KRT8: variants seen among roughly 807,000 people sequenced by gnomAD.
The protein encoded by KRT8 is keratin, type II cytoskeletal 8.
Under a neutral mutation model 43.0 loss-of-function variants are expected in KRT8, and 24 were observed. The observed-to-expected ratio is 0.56, with a 90% CI of 0.40 to 0.78. The LOEUF (loss-of-function observed/expected upper bound fraction) is 0.78, where lower values mean the gene tolerates loss of function less well. Ranked by LOEUF, KRT8 falls within the 30% of genes least tolerant of loss-of-function variation. KRT8 has a pLI of 0.00. For synonymous variants in KRT8, 214 were observed against 261.2 expected, an observed-to-expected ratio of 0.82 and a Z score of 1.74; for missense variants, 492 against 638.4, an observed-to-expected ratio of 0.77 and a Z score of 2.47.
chr12:52,916,097 T>C (rs1400985876), intron 2 of KRT8, among the ~76,000 whole-genome samples: 1 of 151,954 alleles, frequency 6.6e-6, no homozygotes, highest in African/African-American at 2.4e-5. Flanking sequence ...AAAAGCTAGA[T>C]ATTGGGGAGG....
intron 2 of KRT8, among the ~76,000 whole-genome samples, chr12:52,944,361 G>A (rs1473682163): frequency 6.6e-6 from 1 of 152,172 alleles, no homozygotes; most frequent in Non-Finnish European, 1.5e-5. Flanking sequence ...CTCTCAAAGT[G>A]CTGGGATTAC....
Position 52,900,711 on chromosome 12 carries a change from G to A in KRT8, c.595-28C>T, listed in dbSNP as rs754328747. ...GGGGGATGAGGAGAGGGGAGCCTGA[G>A]CTGGGTTTCCACACCCAACCCCAAC... On this transcript the variant is annotated intron_variant, in intron 3 of 7. Coordinates refer to ENST00000692008, the Ensembl canonical transcript of KRT8. 5.8e-6 allele frequency: 9 copies of A among 1,552,306 alleles called. No homozygotes were observed. In the East Asian group the frequency reaches 1.8e-4, roughly 31 times the overall value.
chr12:52,904,874 C>T, exon 1 of KRT8: 2 of 1,612,700 alleles, frequency 1.2e-6, no homozygotes, highest in Non-Finnish European at 1.7e-6. Flanking sequence ...GGGAGAAGCT[C>T]GAGGAGCTGA....
chr12:52,902,141 C>A (rs1941388119), intron 1 of KRT8, 69 bp from the exon 2 acceptor site: 11 of 956,320 alleles, frequency 1.2e-5, no homozygotes, highest in Non-Finnish European at 1.8e-5. Flanking sequence ...GGAAAGCAAG[C>A]AGTCTTTTCT....
At chr12:52,948,786 G>T in intron 2 of KRT8, 1 of 408,492 alleles carries the variant, frequency 2.4e-6, no homozygotes, top group South Asian at 1.2e-4. Flanking sequence ...CACTGCGCCC[G>T]GTCAAGACTC....
At chr12:52,898,519 C>G (rs1479810750) in exon 7 of KRT8, 1 of 1,614,018 alleles carries the variant, frequency 6.2e-7, no homozygotes, top group African/African-American at 1.3e-5. Flanking sequence ...CAGACTCCAG[C>G]CTGTACCCAG....
At chr12:52,915,767 C>T (rs1216238632) in intron 2 of KRT8, among the ~76,000 whole-genome samples, 2 of 151,584 alleles carry the variant, frequency 1.3e-5, no homozygotes, top group African/African-American at 4.8e-5. Context: ...CAGGCAGAAA[C>T]AACAGATGTT....
upstream of KRT8, chr12:52,907,004 A>T: frequency 3.3e-6 from 1 of 305,818 alleles, no homozygotes; most frequent in South Asian, 2.7e-5. Flanking sequence ...ACACACACAC[A>T]CACACACACC....
chr12:52,912,779 G>T (rs761540774), intron 2 of KRT8, among the ~76,000 whole-genome samples: 1 of 152,236 alleles, frequency 6.6e-6, no homozygotes, highest in Non-Finnish European at 1.5e-5. Flanking sequence ...TGTGTGGCAG[G>T]CTGGGGCAAA....
At chr12:52,897,540 G>T (rs386834223) in exon 8 of KRT8, 1 of 1,567,236 alleles carries the variant, frequency 6.4e-7, no homozygotes, top group African/African-American at 1.3e-5. Context: ...GCTGGAGCCC[G>T]CGCCAGAGCC....
At chr12:52,911,006 G>C (rs778056201), upstream of KRT8, among the ~76,000 whole-genome samples, 1 of 152,144 alleles carries the variant, frequency 6.6e-6, no homozygotes, top group Non-Finnish European at 1.5e-5. Context: ...ACCAAAGGAG[G>C]TAGGAGTCTC....
At chr12:52,903,676 G>C (rs952137837) in intron 1 of KRT8, 3 of 152,462 alleles carry the variant, frequency 2.0e-5, no homozygotes, top group African/African-American at 7.2e-5. Flanking sequence ...GCGGAGCAGG[G>C]ACAGGACGCG....
chr12:52,933,886 A>G (rs1382398966), intron 2 of KRT8, among the ~76,000 whole-genome samples: 1 of 151,466 alleles, frequency 6.6e-6, no homozygotes, highest in Non-Finnish European at 1.5e-5. Flanking sequence ...CAGCCTCCCA[A>G]AGTGCTAGGA....
intron 2 of KRT8, among the ~76,000 whole-genome samples, chr12:52,929,711 C>T (rs1324465100): frequency 1.3e-5 from 2 of 152,118 alleles, no homozygotes; most frequent in Non-Finnish European, 2.9e-5. Context: ...GCTGAAGGGG[C>T]ACATGCATTT....
At chr12:52,905,601 G>C (rs1244993247), upstream of KRT8, among the ~76,000 whole-genome samples, 2 of 152,130 alleles carry the variant, frequency 1.3e-5, no homozygotes, top group African/African-American at 4.8e-5. Context: ...TCAACCATTT[G>C]CCTCATCTTT....
intron 2 of KRT8, among the ~76,000 whole-genome samples, chr12:52,931,389 T>C (rs1235651595): frequency 6.6e-6 from 1 of 152,134 alleles, no homozygotes; most frequent in Admixed American, 6.6e-5. Context: ...GATTCTAAAA[T>C]AGTTTCCCTT....
intron 2 of KRT8, among the ~76,000 whole-genome samples, chr12:52,913,616 C>A (rs1941677596): frequency 6.7e-6 from 1 of 149,528 alleles, no homozygotes; most frequent in Non-Finnish European, 1.5e-5. Context: ...CAGCCTATAG[C>A]ACACACGCCC....
chr12:52,918,500 G>A (rs530251178), intron 2 of KRT8, among the ~76,000 whole-genome samples: 3 of 152,264 alleles, frequency 2.0e-5, no homozygotes, highest in East Asian at 1.9e-4. Context: ...GACAGACGCC[G>A]CGCAGGTGCA....
In KRT8 at chr12:52,948,998, G is replaced by C. The variant is rs949911682; in HGVS notation, c.-47+458C>G. The C allele has an allele frequency of 2.7e-5, 15 of 557,086 alleles. No individual in the cohort carries two copies. In the African/African-American group the frequency reaches 3.0e-4, roughly 11 times the overall value. 34.5% of individuals were successfully genotyped at this position (557,086 alleles called of 1,614,324 possible). On this transcript the variant is annotated intron_variant, in intron 2 of 6. Coordinates refer to the KRT8 transcript ENST00000546826. ...CGGGGGTGGGGCCCGGGGCGGAGCG[G>C]CCCGGGGCGGAGGGCGCGGGCTCCG... is the stretch of plus-strand genomic sequence containing the variant.
Sources: gnomAD v4.1 joint callset for allele counts (sites outside exome capture counted in the v4.1 genomes callset) on GRCh38, gnomAD v4.1.1 for gene constraint, MANE v1.5 for transcripts, NCBI Gene and HGNC (gene_info 2026-07-23, HGNC 2026-07-21) for gene names.